Variants in FAF1 observed in about 807,000 individuals in gnomAD.
FAF1 encodes Fas associated factor 1.
In FAF1, 25 loss-of-function variants were observed where a neutral mutation model predicts 92.5. That is an observed-to-expected ratio of 0.27 (90% confidence interval 0.20 to 0.38). FAF1 has a LOEUF of 0.38. Ranked by LOEUF, FAF1 falls within the 10% of genes least tolerant of loss-of-function variation. The pLI is 1.00. For synonymous variants in FAF1, 234 were observed against 273.2 expected (o/e 0.86, Z 1.42); for missense variants, 636 against 793.3 (o/e 0.80, Z 2.38).
chr1:50,639,627 C>A (rs1654224222), intron 8 of FAF1, among the ~76,000 whole-genome samples: 1 of 151,930 alleles, frequency 6.6e-6, no homozygotes, highest in Non-Finnish European at 1.5e-5. Context: ...ATCCTTCCCT[C>A]TTCTTTCTTT....
intron 4 of FAF1, among the ~76,000 whole-genome samples, chr1:50,758,440 ATTC>A (rs1660171580): frequency 6.6e-6 from 1 of 152,230 alleles, no homozygotes; most frequent in African/African-American, 2.4e-5. Flanking sequence ...TCCCTTTCCT[ATTC>A]TTCATGTTAT....
chr1:50,757,434 T>C (rs1444387476), intron 4 of FAF1, among the ~76,000 whole-genome samples: 2 of 152,218 alleles, frequency 1.3e-5, no homozygotes, highest in Non-Finnish European at 2.9e-5. Context: ...AACTCTGTTA[T>C]TAGATATATA....
At chr1:50,571,285 C>T (rs1650425886) in intron 12 of FAF1, among the ~76,000 whole-genome samples, 1 of 152,176 alleles carries the variant, frequency 6.6e-6, no homozygotes, top group South Asian at 2.1e-4. Context: ...TCCTGATTCC[C>T]TCTCTGTAAT....
intron 18 of FAF1, among the ~76,000 whole-genome samples, chr1:50,454,681 CT>C (rs1646331642): frequency 1.3e-5 from 2 of 152,252 alleles, no homozygotes; most frequent in African/African-American, 4.8e-5. Flanking sequence ...AATGCAGGTA[CT>C]GGCAATGCCA....
At chr1:50,816,456 G>A (rs1255459259) in intron 2 of FAF1, among the ~76,000 whole-genome samples, 1 of 151,846 alleles carries the variant, frequency 6.6e-6, no homozygotes, top group Non-Finnish European at 1.5e-5. Context: ...CTTCCGCCTC[G>A]GCCTCCCAAA....
At chr1:50,574,780 T>C (rs1572843819) in intron 12 of FAF1, among the ~76,000 whole-genome samples, 1 of 151,996 alleles carries the variant, frequency 6.6e-6, no homozygotes, top group South Asian at 2.1e-4. Flanking sequence ...GATTTATGGG[T>C]ATACATGTTC....
At chr1:50,807,244 T>TTA (rs1457988026) in intron 2 of FAF1, among the ~76,000 whole-genome samples, 1 of 152,156 alleles carries the variant, frequency 6.6e-6, no homozygotes, top group Non-Finnish European at 1.5e-5. Context: ...CGGTCACAGG[T>TTA]GTATTAGTTC....
chr1:50,867,828 G>C (rs1344917028), intron 1 of FAF1, among the ~76,000 whole-genome samples: 1 of 152,078 alleles, frequency 6.6e-6, no homozygotes, highest in Non-Finnish European at 1.5e-5. Context: ...CCCATTCCTG[G>C]GTACCTACCC....
At chr1:50,763,200 G>A (rs1557515928) in intron 4 of FAF1, among the ~76,000 whole-genome samples, 1 of 152,170 alleles carries the variant, frequency 6.6e-6, no homozygotes, top group Non-Finnish European at 1.5e-5. Flanking sequence ...AGTGGTTGCT[G>A]TAAGCCGAGA....
intron 8 of FAF1, among the ~76,000 whole-genome samples, chr1:50,600,353 T>C (rs1240736682): frequency 6.6e-6 from 1 of 152,146 alleles, no homozygotes; most frequent in East Asian, 1.9e-4. Flanking sequence ...AGTGATTGCA[T>C]GATGTTATAA....
chr1:50,836,389 G>A (rs1305099422), intron 2 of FAF1, among the ~76,000 whole-genome samples: 1 of 151,786 alleles, frequency 6.6e-6, no homozygotes, highest in Non-Finnish European at 1.5e-5. Context: ...TTATTAAACT[G>A]TAGGAAACAA....
chr1:50,889,155 G>C (rs1368997944), intron 1 of FAF1, among the ~76,000 whole-genome samples: 2 of 150,592 alleles, frequency 1.3e-5, no homozygotes, highest in Admixed American at 1.3e-4. Flanking sequence ...TTTGCGTAGA[G>C]GTGTTTACAG....
At chr1:50,815,495 C>T (rs186981310) in intron 2 of FAF1, among the ~76,000 whole-genome samples, 25 of 152,230 alleles carry the variant, frequency 1.6e-4, no homozygotes, top group Admixed American at 1.4e-3. Context: ...TCCATGTCTT[C>T]GCTATGGTGA....
At chr1:50,606,649 G>A (rs966124044) in intron 8 of FAF1, among the ~76,000 whole-genome samples, 11 of 151,864 alleles carry the variant, frequency 7.2e-5, no homozygotes, top group Non-Finnish European at 4.4e-5. Flanking sequence ...ATAGGGATGC[G>A]CCACCACACC....
intron 8 of FAF1, among the ~76,000 whole-genome samples, chr1:50,617,257 T>C (rs980931040): frequency 2.0e-5 from 3 of 152,168 alleles, no homozygotes; most frequent in African/African-American, 4.8e-5. Context: ...GTCCATTCAG[T>C]ATAATGTTAG....
intron 15 of FAF1, among the ~76,000 whole-genome samples, chr1:50,497,876 T>C (rs1030427130): frequency 1.3e-5 from 2 of 152,034 alleles, no homozygotes; most frequent in African/African-American, 4.8e-5. Context: ...CAATTGACTG[T>C]ATCTCAATGC....
At chr1:50,843,759 C>T (rs534344480) in intron 2 of FAF1, among the ~76,000 whole-genome samples, 2 of 151,882 alleles carry the variant, frequency 1.3e-5, no homozygotes, top group South Asian at 2.1e-4. Flanking sequence ...GTGTGTATTG[C>T]ATTTTCTTTA....
Position 50,959,828 on chromosome 1 carries a change from C to G in FAF1, c.-17G>C, listed in dbSNP as rs764721210. 1 of 1,550,946 alleles carries G rather than the reference C, an allele frequency of 6.4e-7. No individual in the cohort carries two copies. Among genetic ancestry groups the G allele is most frequent in the South Asian group, 1.2e-5 (1 of 85,490 alleles). On this transcript the variant is annotated 5_prime_UTR_variant, in exon 1 of 19. Transcript: ENST00000396153. ...GGACGCCATGGCGGCCGCCGAGTTCCGCGGCTCCGGGAGCGAAGCGCGCAC... is the reference window on the plus strand; with the variant it reads ...GGACGCCATGGCGGCCGCCGAGTTCGGCGGCTCCGGGAGCGAAGCGCGCAC...
chr1:50,689,411 C>T (rs578136910), intron 7 of FAF1, among the ~76,000 whole-genome samples: 2 of 151,990 alleles, frequency 1.3e-5, no homozygotes, highest in East Asian at 3.9e-4. Flanking sequence ...AGTGAAACCC[C>T]GTCTCTACTA....
Sources: gnomAD v4.1 joint callset for allele counts (sites outside exome capture counted in the v4.1 genomes callset) on GRCh38, gnomAD v4.1.1 for gene constraint, MANE v1.5 for transcripts, NCBI Gene and HGNC (gene_info 2026-07-23, HGNC 2026-07-21) for gene names.